Variants in ZC3H12B observed in about 807,000 individuals in gnomAD.
The protein encoded by ZC3H12B is probable ribonuclease ZC3H12B.
ZC3H12B carries 7 observed loss-of-function variants against 43.9 expected under a neutral mutation model. The ratio of observed to expected loss-of-function variants is 0.16; its 90% CI spans 0.09 to 0.30. The LOEUF (loss-of-function observed/expected upper bound fraction) is 0.30, where lower values mean the gene tolerates loss of function less well. ZC3H12B is among the 10% of genes least tolerant of loss of function. The pLI, the probability that ZC3H12B is intolerant of heterozygous loss-of-function variation, is 1.00. For synonymous variants in ZC3H12B, 222 were observed against 241.7 expected (o/e 0.92, Z 0.76); for missense variants, 475 against 670.2 (o/e 0.71, Z 3.22).
chrX:65,367,230 G>A (rs988741360), intron 1 of ZC3H12B, among the ~76,000 whole-genome samples: 1 of 111,747 alleles, frequency 8.9e-6, no homozygotes, highest in Non-Finnish European at 1.9e-5. Context: ...AGCAGATATA[G>A]GTACACAAGA....
intron 1 of ZC3H12B, among the ~76,000 whole-genome samples, chrX:65,496,495 GAACTAGTGA>G (rs1266009766): frequency 2.7e-5 from 3 of 111,701 alleles, no homozygotes; most frequent in Non-Finnish European, 5.6e-5. Flanking sequence ...AGAGAAAATG[GAACTAGTGA>G]TAGGAGATAG....
chrX:65,211,969 A>G, the ZC3H12B span, among the ~76,000 whole-genome samples: 1 of 70,275 alleles, frequency 1.4e-5, no homozygotes, highest in East Asian at 4.7e-4. Context: ...AATATATGTT[A>G]TGTATACTAT....
chrX:65,327,042 A>G, the ZC3H12B span, among the ~76,000 whole-genome samples: 1 of 111,607 alleles, frequency 9.0e-6, no homozygotes, highest in Non-Finnish European at 1.9e-5. Context: ...AAATTAGTAC[A>G]GTCATTATGA....
At chrX:65,212,239 AATT>A in the ZC3H12B span, among the ~76,000 whole-genome samples, 4 of 45,280 alleles carry the variant, frequency 8.8e-5, no homozygotes, top group African/African-American at 3.6e-4. Flanking sequence ...TATATAGTAT[AATT>A]ATTATATAAT....
At chrX:65,373,145 T>C (rs1212184174) in intron 2 of ZC3H12B, among the ~76,000 whole-genome samples, 2 of 112,251 alleles carry the variant, frequency 1.8e-5, no homozygotes, top group Non-Finnish European at 3.8e-5. Flanking sequence ...ATTGTAAGGA[T>C]TGAAAGAGAT....
the ZC3H12B span, among the ~76,000 whole-genome samples, chrX:65,353,226 G>A: frequency 9.0e-6 from 1 of 111,216 alleles, no homozygotes; most frequent in African/African-American, 3.3e-5. Context: ...ATATACGACA[G>A]GGTACTTAAT....
At chrX:65,129,495 G>T in the ZC3H12B span, among the ~76,000 whole-genome samples, 2 of 109,375 alleles carry the variant, frequency 1.8e-5, no homozygotes, top group African/African-American at 6.7e-5. Context: ...GCGGGCAGGG[G>T]CGGGGGTCAC....
At chrX:65,292,942 C>T in the ZC3H12B span, among the ~76,000 whole-genome samples, 2 of 112,006 alleles carry the variant, frequency 1.8e-5, no homozygotes, top group Non-Finnish European at 3.8e-5. Context: ...CATGACTGTG[C>T]CACTGCACTC....
chrX:65,137,453 C>A, the ZC3H12B span, among the ~76,000 whole-genome samples: 1 of 111,893 alleles, frequency 8.9e-6, no homozygotes, highest in African/African-American at 3.2e-5. Flanking sequence ...TGATGAAATT[C>A]TATTTTTGAG....
the ZC3H12B span, among the ~76,000 whole-genome samples, chrX:65,230,391 G>A: frequency 9.2e-6 from 1 of 108,986 alleles, no homozygotes; most frequent in African/African-American, 3.4e-5. Flanking sequence ...TTGTGGGATG[G>A]GGGGAAGGGG....
chrX:65,114,038 C>T, the ZC3H12B span, among the ~76,000 whole-genome samples: 37 of 59,359 alleles, frequency 6.2e-4, no homozygotes, highest in Admixed American at 2.8e-3. Flanking sequence ...CATCTTTAGC[C>T]TGTTAATATG....
At chrX:65,500,772 C>G (rs1178837926) in intron 4 of ZC3H12B, among the ~76,000 whole-genome samples, 1 of 108,680 alleles carries the variant, frequency 9.2e-6, no homozygotes, top group African/African-American at 3.4e-5. Flanking sequence ...ATATAGTTTT[C>G]TAGAGTGTTT....
At chrX:65,167,317 G>T in the ZC3H12B span, among the ~76,000 whole-genome samples, 18 of 111,585 alleles carry the variant, frequency 1.6e-4, no homozygotes, top group East Asian at 2.8e-4. Flanking sequence ...CCCCATTTCT[G>T]GTTTTTGTCA....
At chrX:65,257,739 A>G in the ZC3H12B span, among the ~76,000 whole-genome samples, 1 of 111,402 alleles carries the variant, frequency 9.0e-6, no homozygotes, top group Admixed American at 9.6e-5. Context: ...AAAACCTCAG[A>G]GACTACTAAA....
chrX:65,185,499 C>G, the ZC3H12B span: 1 of 111,876 alleles, frequency 8.9e-6, no homozygotes, highest in Non-Finnish European at 1.9e-5. Flanking sequence ...TCTCTTTAGA[C>G]TAGTTGCATA....
chrX:65,074,564 C>G, the ZC3H12B span, among the ~76,000 whole-genome samples: 4 of 111,707 alleles, frequency 3.6e-5, no homozygotes, highest in East Asian at 8.4e-4. Context: ...ATGTTTGTCC[C>G]TTTATGTCTC....
the ZC3H12B span, among the ~76,000 whole-genome samples, chrX:65,294,694 G>A: frequency 2.7e-5 from 3 of 111,741 alleles, no homozygotes; most frequent in African/African-American, 9.7e-5. Context: ...GTGAGCAGGA[G>A]TAGCTATTTT....
the ZC3H12B span, among the ~76,000 whole-genome samples, chrX:65,307,595 G>A: frequency 9.0e-6 from 1 of 111,458 alleles, no homozygotes; most frequent in South Asian, 3.7e-4. Context: ...ATAAACTGCA[G>A]AATAAAATGA....
chrX:65,499,805 G>A, intron 3 of ZC3H12B, 78 bp from the exon 9 acceptor site: 1 of 797,041 alleles, frequency 1.3e-6, no homozygotes, highest in Non-Finnish European at 1.9e-6. Context: ...ACAGGCAAGA[G>A]GTAATGAAAA....
Sources: allele counts gnomAD v4.1 joint callset (sites outside exome capture counted in the v4.1 genomes callset), GRCh38; gene constraint gnomAD v4.1.1; transcripts MANE v1.5; gene names NCBI Gene and HGNC (gene_info 2026-07-23, HGNC 2026-07-21).